SAMD5: variants seen among roughly 807,000 people sequenced by gnomAD.
The protein encoded by SAMD5 is sterile alpha motif domain-containing protein 5.
A neutral mutation model predicts 11.3 loss-of-function variants in SAMD5; 13 were observed. The ratio of observed to expected loss-of-function variants is 1.15; its 90% CI spans 0.75 to 1.83. SAMD5 has a LOEUF of 1.83. Among genes scored for constraint, SAMD5 ranks in the 40% most tolerant of loss-of-function variants. The pLI is 0.00. For missense variants in SAMD5, 255 were observed against 239.1 expected, an observed-to-expected ratio of 1.07 and a Z score of -0.44; for synonymous variants, 129 against 111.3, an observed-to-expected ratio of 1.16 and a Z score of -1.00.
chr6:147,594,993 G>C (rs1444241994), intron 1 of SAMD5, among the ~76,000 whole-genome samples: 1 of 152,184 alleles, frequency 6.6e-6, no homozygotes, highest in Admixed American at 6.5e-5. Context: ...ACCCCAGGTG[G>C]AAAATATAAC....
the SAMD5 span, among the ~76,000 whole-genome samples, chr6:147,789,402 T>C: frequency 6.6e-6 from 1 of 152,270 alleles, no homozygotes; most frequent in East Asian, 1.9e-4. Flanking sequence ...TTCATGCTTC[T>C]GCCATCTCCC....
the SAMD5 span, among the ~76,000 whole-genome samples, chr6:147,887,382 G>A: frequency 6.6e-6 from 1 of 152,112 alleles, no homozygotes; most frequent in Admixed American, 6.6e-5. Context: ...GCTTTCTATT[G>A]CTATAGATTA....
At chr6:147,840,365 G>A in the SAMD5 span, among the ~76,000 whole-genome samples, 64,298 of 152,132 alleles carry the variant, frequency 0.42, 15,566 homozygotes, top group African/African-American at 0.67. Flanking sequence ...TATAACATCT[G>A]TTGCAAGAGC....
intron 1 of SAMD5, among the ~76,000 whole-genome samples, chr6:147,630,100 C>G (rs985403269): frequency 6.6e-6 from 1 of 151,914 alleles, no homozygotes; most frequent in Non-Finnish European, 1.5e-5. Flanking sequence ...CAGGCATGCA[C>G]TGCCACGCCT....
intron 1 of SAMD5, among the ~76,000 whole-genome samples, chr6:147,527,590 C>G (rs1403714103): frequency 6.6e-6 from 1 of 152,052 alleles, no homozygotes; most frequent in African/African-American, 2.4e-5. Context: ...TGACCCCTCC[C>G]CAAATCTCAT....
At position 147,568,805 on chromosome 6, in the gene SAMD5, T is replaced by C. The variant is rs541310873; in HGVS notation, c.*4349T>C. The C allele has an allele frequency of 1.0e-6, 1 of 958,448 alleles. No individual in the cohort carries two copies. Among genetic ancestry groups the C allele is most frequent in the Non-Finnish European group, 1.2e-6 (1 of 805,406 alleles). The allele number at this position is 958,448 out of a possible 1,614,324, so 59.4% of individuals were successfully genotyped here. On this transcript the variant is annotated 3_prime_UTR_variant, in exon 2 of 2. Transcript: ENST00000367474. ...ATCAGATTCTTTGATTAAAAAATCA[T>C]CTTCAGCTTTACATTATTAATCTCT... is the stretch of plus-strand genomic sequence containing the variant.
At chr6:147,826,994 G>A in the SAMD5 span, among the ~76,000 whole-genome samples, 1 of 152,158 alleles carries the variant, frequency 6.6e-6, no homozygotes, top group South Asian at 2.1e-4. Flanking sequence ...CACCCGCAAG[G>A]ATATCAAAGG....
intron 1 of SAMD5, among the ~76,000 whole-genome samples, chr6:147,576,538 G>A (rs1264541410): frequency 6.6e-6 from 1 of 152,030 alleles, no homozygotes; most frequent in South Asian, 2.1e-4. Flanking sequence ...TGGGGCTTTG[G>A]GACCAGGGAG....
the SAMD5 span, among the ~76,000 whole-genome samples, chr6:147,874,084 G>A: frequency 2.0e-5 from 3 of 152,158 alleles, no homozygotes; most frequent in African/African-American, 7.2e-5. Flanking sequence ...TAGTGAACAT[G>A]ATACTATGCT....
intron 1 of SAMD5, among the ~76,000 whole-genome samples, chr6:147,630,885 G>T (rs1410697278): frequency 6.6e-6 from 1 of 152,110 alleles, no homozygotes; most frequent in Non-Finnish European, 1.5e-5. Context: ...TCCAGCGCCA[G>T]TGATGGACTC....
rs1789110824 is a variant in SAMD5, at chr6:147,569,931, T to C, written c.*5475T>C. ...GGCACTATGAAAAGCCTAATTGGAA[T>C]AGCATTATGAACCATGTAATGCATG... On this transcript the variant is annotated 3_prime_UTR_variant, in exon 2 of 2. Transcript: ENST00000367474. The C allele has an allele frequency of 5.1e-6, 5 of 984,620 alleles. No individual in the cohort carries two copies. In the South Asian group the frequency reaches 2.4e-4, roughly 46 times the overall value. 61.0% of individuals were successfully genotyped at this position (984,620 alleles called of 1,614,324 possible). A position where few individuals can be genotyped will look rare whatever the true frequency, so the allele number is the denominator to read the frequency against.
chr6:147,833,218 T>A, the SAMD5 span, among the ~76,000 whole-genome samples: 1 of 152,344 alleles, frequency 6.6e-6, no homozygotes, highest in South Asian at 2.1e-4. Flanking sequence ...TCCCTGTACC[T>A]GCAGCTAATT....
At chr6:147,593,174 A>G (rs181954059) in intron 1 of SAMD5, among the ~76,000 whole-genome samples, 2 of 152,266 alleles carry the variant, frequency 1.3e-5, no homozygotes, top group Admixed American at 6.5e-5. Context: ...TCACTCATTT[A>G]TTCATTTTAC....
At chr6:147,896,014 T>C in the SAMD5 span, among the ~76,000 whole-genome samples, 1 of 152,238 alleles carries the variant, frequency 6.6e-6, no homozygotes, top group Admixed American at 6.5e-5. Context: ...GCACGTGGCA[T>C]AGCTTCCACA....
chr6:147,656,268 C>T (rs1054451798), intron 1 of SAMD5, among the ~76,000 whole-genome samples: 2 of 152,142 alleles, frequency 1.3e-5, no homozygotes, highest in Non-Finnish European at 2.9e-5. Flanking sequence ...CCCTCTACAA[C>T]TTGAACACAG....
At chr6:147,651,023 G>A (rs1288329588) in intron 1 of SAMD5, among the ~76,000 whole-genome samples, 3 of 152,070 alleles carry the variant, frequency 2.0e-5, no homozygotes, top group African/African-American at 4.8e-5. Context: ...TTGAATAAAT[G>A]GTAGCTAAAA....
chr6:147,835,600 T>G, the SAMD5 span, among the ~76,000 whole-genome samples: 2 of 152,152 alleles, frequency 1.3e-5, no homozygotes, highest in South Asian at 4.1e-4. Context: ...CCATGCCATT[T>G]CTGTTTACCC....
At chr6:147,559,486 G>A (rs1032184887) in intron 1 of SAMD5, among the ~76,000 whole-genome samples, 8 of 152,182 alleles carry the variant, frequency 5.3e-5, no homozygotes, top group Non-Finnish European at 1.2e-4. Flanking sequence ...GAGAAGTCAT[G>A]AATGAAGGTT....
chr6:147,684,374 CTT>C (rs1790980733), intron 1 of SAMD5, among the ~76,000 whole-genome samples: 1 of 151,970 alleles, frequency 6.6e-6, no homozygotes, highest in East Asian at 1.9e-4. Context: ...ATTTGTGTCT[CTT>C]AGATTATTTG....
Sources: allele counts gnomAD v4.1 joint callset (sites outside exome capture counted in the v4.1 genomes callset), GRCh38; gene constraint gnomAD v4.1.1; transcripts MANE v1.5; gene names NCBI Gene and HGNC (gene_info 2026-07-23, HGNC 2026-07-21).